TIMP2: variants seen among roughly 807,000 people sequenced by gnomAD.
TIMP2 encodes the protein metalloproteinase inhibitor 2.
In TIMP2, 5 loss-of-function variants were observed where a neutral mutation model predicts 24.3. That is an observed-to-expected ratio of 0.21 (90% CI 0.11 to 0.43). The LOEUF is 0.43. Ranked by LOEUF, TIMP2 falls within the 20% of genes least tolerant of loss-of-function variation. The pLI is 1.00. For missense variants in TIMP2, 221 were observed against 297.5 expected (o/e 0.74, Z 1.89); for synonymous variants, 130 against 123.2 (o/e 1.06, Z -0.37).
chr17:78,911,952 T>C (rs908073273), intron 1 of TIMP2, among the ~76,000 whole-genome samples: 1 of 147,150 alleles, frequency 6.8e-6, no homozygotes, highest in African/African-American at 2.5e-5. Flanking sequence ...AAATCCCAGC[T>C]ACTGGGGAGG....
intron 1 of TIMP2, among the ~76,000 whole-genome samples, chr17:78,906,205 A>T (rs574384757): frequency 9.7e-4 from 148 of 152,210 alleles, no homozygotes; most frequent in African/African-American, 3.4e-3. Context: ...TCCTACCTCT[A>T]TAAAAAACTA....
intron 1 of TIMP2, among the ~76,000 whole-genome samples, chr17:78,881,182 C>G (rs2069776767): frequency 6.6e-6 from 1 of 152,252 alleles, no homozygotes; most frequent in South Asian, 2.1e-4. Context: ...CACTGGAGGG[C>G]ACTGGCCCCT....
Position 78,891,818 on chromosome 17 carries a change from G to C in TIMP2, c.131-17899C>G. 3.9e-6 allele frequency: 6 copies of C among 1,550,928 alleles called. No individual in the cohort carries two copies. The highest frequency in any genetic ancestry group is 5.2e-6 in the Non-Finnish European group (6 of 1,147,060). Reference sequence around the variant, plus strand: ...GCGGCCACCCCCAGACTTGGTCGAAGGTTCTGGCCTTCCCTTTCTCTTCTC... The same window carrying C: ...GCGGCCACCCCCAGACTTGGTCGAACGTTCTGGCCTTCCCTTTCTCTTCTC... On this transcript the variant is annotated intron_variant, in intron 1 of 4. Transcript: ENST00000262768. The surrounding 1 kb of genome is among the most constrained non-coding windows in gnomAD (Gnocchi z 4.5).
chr17:78,913,752 C>T lies in TIMP2; in HGVS notation c.130+11207G>A, dbSNP rs1171678164. Among the ~76,000 whole-genome samples, 3 of 151,734 alleles carry T rather than the reference C, an allele frequency of 2.0e-5. No individual in the cohort carries two copies. In the East Asian group the frequency reaches 5.8e-4, roughly 29 times the overall value. Reference sequence around the variant, plus strand: ...AAAAAAACAAAAAACATAGGCCGGGCACAGTGGCTCACACCTGTAATCCCA... The same window carrying T: ...AAAAAAACAAAAAACATAGGCCGGGTACAGTGGCTCACACCTGTAATCCCA... On this transcript the variant is annotated intron_variant, in intron 1 of 4. Transcript: ENST00000262768.
At chr17:78,887,176 G>A (rs1293549243) in intron 1 of TIMP2, among the ~76,000 whole-genome samples, 1 of 152,208 alleles carries the variant, frequency 6.6e-6, no homozygotes, top group Non-Finnish European at 1.5e-5. Flanking sequence ...GGTTCCACGA[G>A]CTTCGCATTC....
chr17:78,887,753 GAA>G (rs562106009), intron 1 of TIMP2, among the ~76,000 whole-genome samples: 1 of 137,078 alleles, frequency 7.3e-6, no homozygotes, highest in African/African-American at 2.7e-5. Context: ...AAAAAAATAG[GAA>G]AAAAAAAAAA....
chr17:78,905,234 C>T (rs1194363931), intron 1 of TIMP2, among the ~76,000 whole-genome samples: 2 of 152,140 alleles, frequency 1.3e-5, no homozygotes, highest in Non-Finnish European at 2.9e-5. Flanking sequence ...CAGGACTTAC[C>T]CCAGTGGCCA....
chr17:78,880,182 G>A (rs141673840), intron 1 of TIMP2, among the ~76,000 whole-genome samples: 133 of 152,298 alleles, frequency 8.7e-4, no homozygotes, highest in African/African-American at 2.9e-3. Context: ...GAGACGCCAC[G>A]GCTTCTGTGG....
intron 1 of TIMP2, among the ~76,000 whole-genome samples, chr17:78,881,245 C>T (rs988219765): frequency 6.6e-6 from 1 of 152,230 alleles, no homozygotes; most frequent in African/African-American, 2.4e-5. Flanking sequence ...GGGAGGGGCG[C>T]CCATAGGACC....
intron 1 of TIMP2, among the ~76,000 whole-genome samples, chr17:78,894,642 T>C (rs60013081): frequency 0.012 from 1,836 of 152,224 alleles, 29 homozygotes; most frequent in African/African-American, 0.042. Context: ...TCTCACCCTA[T>C]ATACAAAAAT....
Position 78,894,104 on chromosome 17 carries a change from C to A in TIMP2, c.131-20185G>T, listed in dbSNP as rs890228722. 2.0e-5 allele frequency among the ~76,000 whole-genome samples: 3 copies of A among 152,280 alleles called. No homozygotes were observed. In the East Asian group the frequency reaches 5.8e-4, roughly 29 times the overall value. ...AGAAAATACTGCATCTACATTACAG[C>A]TAACATTAACCGTGCAGGCTCCCCT... On this transcript the variant is annotated intron_variant, in intron 1 of 4. Coordinates refer to ENST00000262768, the MANE Select transcript of TIMP2 (RefSeq NM_003255.5).
In TIMP2 at chr17:78,855,814, G is replaced by T; in HGVS notation, c.516C>A (p.Cys172Ter). 1.2e-6 allele frequency: 2 copies of T among 1,614,146 alleles called. No individual in the cohort carries two copies. ...TCTCTGTGACCCAGTCCATCCAGAG[G>T]CACTCGTCCGGGGAGGAGATGTAGC... The part of the protein sequence containing the change: ...IPCYISSPDE[C>*]LWMDWVTEKN... The change falls in exon 5 of 5, where the codon TGC becomes TGA. Residue 172 changes from cysteine (C) to a stop codon, truncating the protein, a stop_gained. Transcript: ENST00000262768. LOFTEE classifies it high-confidence loss of function. The surrounding 1 kb of genome is among the most constrained non-coding windows in gnomAD (Gnocchi z 6.0).
intron 1 of TIMP2, among the ~76,000 whole-genome samples, chr17:78,889,372 C>T (rs930554175): frequency 2.6e-5 from 4 of 152,222 alleles, no homozygotes; most frequent in African/African-American, 9.6e-5. Context: ...GGGAATCACC[C>T]AGCGGGGCGA....
At chr17:78,876,194 C>T (rs1351976427) in intron 1 of TIMP2, among the ~76,000 whole-genome samples, 91 of 152,136 alleles carry the variant, frequency 6.0e-4, no homozygotes, top group Admixed American at 6.0e-3. Context: ...CTGCCCTCCC[C>T]TAAAATATGA....
intron 1 of TIMP2, among the ~76,000 whole-genome samples, chr17:78,880,995 C>T (rs976290330): frequency 6.6e-6 from 1 of 152,228 alleles, no homozygotes; most frequent in Non-Finnish European, 1.5e-5. Flanking sequence ...GGGACGTGCT[C>T]AGGCAGCGGG....
rs879470838 is a variant in TIMP2 at position 78,872,152 on chromosome 17, C to CT, written c.232-1147dup. Among the ~76,000 whole-genome samples, 527 of 141,710 alleles carry CT rather than the reference C, an allele frequency of 3.7e-3. 3 individuals are homozygous for CT. The highest frequency in any genetic ancestry group is 7.5e-3 in the African/African-American group (291 of 38,824). 93.0% of individuals were successfully genotyped at this position (141,710 alleles called of 152,430 possible). A position where few individuals can be genotyped will look rare whatever the true frequency, so the allele number is the denominator to read the frequency against. On this transcript the variant is annotated intron_variant, in intron 2 of 4. Coordinates refer to ENST00000262768, the MANE Select transcript of TIMP2 (RefSeq NM_003255.5). ...TATAGGCGCATGCCACCATGCTTGG[C>CT]TTTTTTTTTTTTTTAATTAGCAGAG...
chr17:78,902,200 G>A (rs745779689), intron 1 of TIMP2, among the ~76,000 whole-genome samples: 3 of 152,178 alleles, frequency 2.0e-5, no homozygotes, highest in African/African-American at 4.8e-5. Context: ...TCCACCTTCC[G>A]GGTTCAAGCA....
At chr17:78,886,176 T>C (rs980631371) in intron 1 of TIMP2, among the ~76,000 whole-genome samples, 3 of 152,160 alleles carry the variant, frequency 2.0e-5, no homozygotes, top group African/African-American at 7.2e-5. Context: ...CGGGCAGAGA[T>C]GAGTCACCCT....
chr17:78,912,019 G>A (rs894630505), intron 1 of TIMP2, among the ~76,000 whole-genome samples: 1 of 151,376 alleles, frequency 6.6e-6, no homozygotes, highest in Admixed American at 6.6e-5. Flanking sequence ...AGCCAAGATT[G>A]TGCCACTGCA....
Sources: gnomAD v4.1 joint callset for allele counts (sites outside exome capture counted in the v4.1 genomes callset) on GRCh38, gnomAD v4.1.1 for gene constraint, Gnocchi (gnomAD v3.1) non-coding constraint, MANE v1.5 for transcripts, NCBI Gene and HGNC (gene_info 2026-07-23, HGNC 2026-07-21) for gene names.